The following DDX27 variants were observed in gnomAD, a reference collection of about 807,000 sequenced individuals.
The protein encoded by DDX27 is probable ATP-dependent RNA helicase DDX27.
Under a neutral mutation model 99.3 loss-of-function variants are expected in DDX27, and 42 were observed. That is an observed-to-expected ratio of 0.42 (90% CI 0.33 to 0.55). DDX27 has a LOEUF of 0.55. DDX27 is among the 20% of genes least tolerant of loss of function. The pLI, the probability that DDX27 is intolerant of heterozygous loss-of-function variation, is 0.07. For synonymous variants in DDX27, 329 were observed against 353.8 expected (o/e 0.93, Z 0.79); for missense variants, 798 against 976.8 (o/e 0.82, Z 2.44).
intron 8 of DDX27, among the ~76,000 whole-genome samples, chr20:49,229,949 C>G (rs1980041929): frequency 6.6e-6 from 1 of 152,138 alleles, no homozygotes. Flanking sequence ...CTCGCCCAGC[C>G]CATGCATTCT....
At position 49,233,412 on chromosome 20, in the gene DDX27, C is replaced by T. The variant is rs201686934; in HGVS notation, c.1131+7C>T. The T allele has an allele frequency of 8.7e-6, 14 of 1,613,512 alleles. No individual in the cohort carries two copies. In the East Asian group the frequency reaches 8.9e-5, roughly 10 times the overall value. On this transcript the variant is annotated splice_region_variant and intron_variant, in intron 10 of 20. Coordinates refer to ENST00000618172, the MANE Select transcript of DDX27 (RefSeq NM_017895.8). ...GGCCACCATGACAGACGAGGTGGGC[C>T]GAGGGACTTCTCTGTGGCGGGTGGC...
At chr20:49,227,867 G>C (rs1002174887) in intron 7 of DDX27, among the ~76,000 whole-genome samples, 1 of 141,694 alleles carries the variant, frequency 7.1e-6, no homozygotes, top group Non-Finnish European at 1.5e-5. Flanking sequence ...TTGAGACAGA[G>C]TCTCGCTCTG....
rs1979985004 is a variant in DDX27, at chr20:49,228,639, C to T, written c.707-76C>T. ...TTTTCCCCAACCAGACGTAGTTTTT[C>T]TGTGCTCTGGTGAAAACCTAACCCT... On this transcript the variant is annotated intron_variant, in intron 7 of 20. Coordinates refer to ENST00000618172, the MANE Select transcript of DDX27 (RefSeq NM_017895.8). 4 of 1,351,770 alleles carry T rather than the reference C, an allele frequency of 3.0e-6. No individual in the cohort carries two copies. The South Asian group carries it at 6.2e-5, about 21-fold the overall frequency. The allele number at this position is 1,351,770 out of a possible 1,614,324, so 83.7% of individuals were successfully genotyped here. A position where few individuals can be genotyped will look rare whatever the true frequency, so the allele number is the denominator to read the frequency against.
In DDX27 at chr20:49,236,217, G is replaced by C. The variant is rs1980301678; in HGVS notation, c.1495G>C (p.Glu499Gln). 6.2e-7 allele frequency: 1 copy of C among 1,610,258 alleles called. No homozygotes were observed. The change falls in exon 13 of 21, where the codon GAG becomes CAG. Residue 499 changes from glutamate (E) to glutamine (Q), a missense_variant. By Grantham distance (29) the Glu-to-Gln change is conservative. Transcript: ENST00000618172. The surrounding 1 kb of genome is among the most constrained non-coding windows in gnomAD (Gnocchi z 4.1). ...TDVAARGLDI[E>Q]GVKTVINFTM... ...TGTGGCAGCCCGTGGACTTGACATT[G>C]AGGGGGTCAAAACGGTGAGCAGACA...
chr20:49,228,774 G>C lies in DDX27; in HGVS notation c.766G>C (p.Ala256Pro), dbSNP rs144748855. The part of the protein sequence containing the change: ...LERLIYKPRQ[A>P]PVTRVLVLVP... ...GCGTCTGATTTATAAACCCCGCCAGGCTCCAGTCACCCGCGTGCTGGTGCT... is the reference window on the plus strand; with the variant it reads ...GCGTCTGATTTATAAACCCCGCCAGCCTCCAGTCACCCGCGTGCTGGTGCT... The change falls in exon 8 of 21, where the codon GCT becomes CCT. Residue 256 changes from alanine to proline, a missense_variant. Coordinates refer to ENST00000618172, the MANE Select transcript of DDX27 (RefSeq NM_017895.8). The C allele has an allele frequency of 1.2e-6, 2 of 1,613,154 alleles. No homozygotes were observed. Among genetic ancestry groups the C allele is most frequent in the Non-Finnish European group, 1.7e-6 (2 of 1,179,492 alleles).
Position 49,221,455 on chromosome 20 carries a change from C to A in DDX27, c.97C>A (p.Pro33Thr). ...SDSGDEEEEG[P>T]IVLGRRQKAL... ...CTCTGTCTCTTACTCTTCCCAGGGG[C>A]CCATTGTGCTGGGCAGACGACAAAA... is the stretch of plus-strand genomic sequence containing the variant. Residue 33 changes from proline (P) to threonine (T), a missense_variant, in exon 2 of 21, where the codon CCC (proline) becomes ACC (threonine). Coordinates refer to ENST00000618172, the MANE Select transcript of DDX27 (RefSeq NM_017895.8). 6.2e-7 allele frequency: 1 copy of A among 1,613,204 alleles called. No homozygotes were observed. Among genetic ancestry groups the A allele is most frequent in the South Asian group, 1.1e-5 (1 of 91,022 alleles).
At chr20:49,229,941 C>T (rs1349354230) in intron 8 of DDX27, among the ~76,000 whole-genome samples, 1 of 152,224 alleles carries the variant, frequency 6.6e-6, no homozygotes, top group Non-Finnish European at 1.5e-5. Context: ...TGAGCCACCT[C>T]GCCCAGCCCA....
At chr20:49,225,857 A>G (rs1382499236) in intron 6 of DDX27, among the ~76,000 whole-genome samples, 1 of 151,826 alleles carries the variant, frequency 6.6e-6, no homozygotes, top group African/African-American at 2.4e-5. Context: ...GAGTCCTTAT[A>G]TTGACCTACA....
intron 8 of DDX27, 140 bp from the exon 9 acceptor site, chr20:49,230,059 A>G (rs973977068): frequency 3.7e-5 from 34 of 914,828 alleles, no homozygotes; most frequent in Middle Eastern, 3.2e-4. Flanking sequence ...TGGGAAACCC[A>G]TGTGCTTGGG....
Position 49,236,306 on chromosome 20 carries a change from G to T in DDX27, c.1510-27G>T. ...CTTCGCACCCCCCTTCCCTTGCCAG[G>T]CCTGACGTTCATTTTTGACCTTCTA... On this transcript the variant is annotated intron_variant, in intron 13 of 20. Coordinates refer to ENST00000618172, the MANE Select transcript of DDX27 (RefSeq NM_017895.8). This position sits in a 1 kb window ranked among gnomAD's most constrained non-coding sequence, Gnocchi z 4.1. The T allele has an allele frequency of 6.4e-7, 1 of 1,568,004 alleles. No individual in the cohort carries two copies. The highest frequency in any genetic ancestry group is 1.2e-5 in the South Asian group (1 of 85,038).
intron 19 of DDX27, 33 bp downstream of exon 19, chr20:49,242,714 A>ATTATTTTTT: frequency 7.3e-7 from 1 of 1,360,764 alleles, no homozygotes; most frequent in South Asian, 1.3e-5. Context: ...AGCCCTTGGT[A>ATTATTTTTT]TTCTTTTTTT....
chr20:49,222,093 C>T (rs923194196), intron 2 of DDX27, among the ~76,000 whole-genome samples: 1 of 151,964 alleles, frequency 6.6e-6, no homozygotes, highest in Non-Finnish European at 1.5e-5. Context: ...TTAATCCAGG[C>T]TTTGCTGGTC....
intron 11 of DDX27, 107 bp downstream of exon 11, chr20:49,233,816 T>A: frequency 7.6e-7 from 1 of 1,310,996 alleles, no homozygotes; most frequent in Admixed American, 1.9e-5. Flanking sequence ...CCGTCCAGTC[T>A]TCCCCAGCGC....
rs369014826 is a variant in DDX27 at position 49,242,164 on chromosome 20, C to T, written c.2074C>T (p.Arg692Trp). 3.0e-5 allele frequency: 48 copies of T among 1,614,134 alleles called. No homozygotes were observed. Among genetic ancestry groups the T allele is most frequent in the East Asian group, 6.7e-5 (3 of 44,876 alleles). Reference sequence around the variant, plus strand: ...AGCGAAGAGGAATCGCAGAGCCAAGCGGGCCCGAGCAATGCCCGAGGAGGA... The same window carrying T: ...AGCGAAGAGGAATCGCAGAGCCAAGTGGGCCCGAGCAATGCCCGAGGAGGA... ...RLAKRNRRAK[R>W]ARAMPEEEPV... Residue 692 changes from arginine (R) to tryptophan (W), a missense_variant, in exon 18 of 21, where the codon CGG (arginine) becomes TGG (tryptophan). Arg to Trp is a moderately radical substitution (Grantham distance 101). Coordinates refer to ENST00000618172, the MANE Select transcript of DDX27 (RefSeq NM_017895.8).
intron 18 of DDX27, 76 bp downstream of exon 18, chr20:49,242,282 CTGA>C: frequency 6.3e-7 from 1 of 1,576,318 alleles, no homozygotes; most frequent in Admixed American, 1.9e-5. Flanking sequence ...GGGAGAAAAT[CTGA>C]GGGATGATGA....
At chr20:49,220,645 G>T (rs551043380) in intron 1 of DDX27, among the ~76,000 whole-genome samples, 1 of 152,278 alleles carries the variant, frequency 6.6e-6, no homozygotes, top group Non-Finnish European at 1.5e-5. Flanking sequence ...TGCTGGCTGC[G>T]GCCCCCTCTC....
intron 14 of DDX27, chr20:49,238,085 C>G (rs999876688): frequency 2.0e-5 from 3 of 152,236 alleles, no homozygotes; most frequent in African/African-American, 7.2e-5. Flanking sequence ...GTGGTGCGAT[C>G]TCGGCCCATT....
At chr20:49,227,084 G>T (rs1031886497) in intron 7 of DDX27, among the ~76,000 whole-genome samples, 63 of 149,760 alleles carry the variant, frequency 4.2e-4, no homozygotes, top group African/African-American at 1.5e-3. Context: ...GGATGGTCTT[G>T]ATCTCCTGAC....
At chr20:49,223,125 G>A in intron 3 of DDX27, 109 bp downstream of exon 3, 1 of 1,353,106 alleles carries the variant, frequency 7.4e-7, no homozygotes, top group Non-Finnish European at 1.0e-6. Flanking sequence ...GCTGGGGCAG[G>A]CGCACTCTTC....
Sources: allele counts gnomAD v4.1 joint callset (sites outside exome capture counted in the v4.1 genomes callset), GRCh38; gene constraint gnomAD v4.1.1; non-coding constraint Gnocchi (gnomAD v3.1); transcripts MANE v1.5; gene names NCBI Gene and HGNC (gene_info 2026-07-23, HGNC 2026-07-21).